The following CFAP46 variants were observed in gnomAD, a reference collection of about 807,000 sequenced individuals.
The protein encoded by CFAP46 is cilia- and flagella-associated protein 46.
CFAP46 carries 245 observed loss-of-function variants against 325.7 expected under a neutral mutation model. That is an observed-to-expected ratio of 0.75 (90% CI 0.68 to 0.84). The LOEUF (loss-of-function observed/expected upper bound fraction) is 0.84, where lower values mean the gene tolerates loss of function less well. Among genes scored for constraint, CFAP46 ranks in the 40% least tolerant of loss-of-function variants. The probability of loss-of-function intolerance (pLI) is 0.00; values close to 1 mark genes in which losing one functional copy is unlikely to be tolerated. For synonymous variants in CFAP46, 1,523 were observed against 1,495.9 expected (o/e 1.02, Z -0.42); for missense variants, 3,346 against 3,543.0 (o/e 0.94, Z 1.41).
chr10:132,860,710 G>A (rs972802433), intron 36 of CFAP46, 72 bp downstream of exon 36: 3 of 1,481,556 alleles, frequency 2.0e-6, no homozygotes, highest in Non-Finnish European at 2.7e-6. Flanking sequence ...AGAGCCCCAT[G>A]GACGCCCTTC....
chr10:132,867,240 A>G (rs1296944381), intron 34 of CFAP46, 135 bp downstream of exon 34: 17 of 1,028,268 alleles, frequency 1.7e-5, no homozygotes, highest in Non-Finnish European at 2.1e-5. Context: ...ACACACTGAC[A>G]CACACCCAGG....
At chr10:132,859,555 A>G (rs1379407976) in intron 37 of CFAP46, among the ~76,000 whole-genome samples, 1 of 152,190 alleles carries the variant, frequency 6.6e-6, no homozygotes, top group Middle Eastern at 3.4e-3. Context: ...TTGACTCACT[A>G]GTGGAACAGA....
chr10:132,819,158 A>T (rs1847751265), intron 50 of CFAP46, among the ~76,000 whole-genome samples: 1 of 152,216 alleles, frequency 6.6e-6, no homozygotes, highest in Non-Finnish European at 1.5e-5. Flanking sequence ...TTATAATATC[A>T]TCAGAACGAA....
intron 22 of CFAP46, among the ~76,000 whole-genome samples, chr10:132,906,277 G>A (rs544746327): frequency 1.7e-3 from 254 of 152,338 alleles, no homozygotes; most frequent in African/African-American, 5.9e-3. Context: ...CTGAGCACTC[G>A]CAGTCTCACC....
At chr10:132,878,689 G>A (rs564221334) in intron 29 of CFAP46, among the ~76,000 whole-genome samples, 5 of 152,190 alleles carry the variant, frequency 3.3e-5, no homozygotes, top group African/African-American at 1.2e-4. Flanking sequence ...TGAGGCTGGT[G>A]GGGGGTTAGC....
At position 132,885,090 on chromosome 10, in the gene CFAP46, T is replaced by TA. The variant is rs1291367863; in HGVS notation, c.3627+12dup. ...AAATTTTACCACGTGCACCCACGCT[T>TA]ACGGCTTCACACCTGCAAGGCCTGG... is the stretch of plus-strand genomic sequence containing the variant. On this transcript the variant is annotated intron_variant, in intron 27 of 57. Coordinates refer to ENST00000368586, the MANE Select transcript of CFAP46 (RefSeq NM_001200049.3). The TA allele has an allele frequency of 1.3e-6, 2 of 1,538,416 alleles. No individual in the cohort carries two copies. Among genetic ancestry groups the TA allele is most frequent in the East Asian group, 2.5e-5 (1 of 40,550 alleles).
In CFAP46 at chr10:132,922,723, T is replaced by G; in HGVS notation, c.1257-15A>C. On this transcript the variant is annotated splice_polypyrimidine_tract_variant and intron_variant, in intron 11 of 57. Coordinates refer to ENST00000368586, the MANE Select transcript of CFAP46 (RefSeq NM_001200049.3). ...GCGTCATGAGGCTGCGGGGGTGGCG[T>G]GGCATCAGGGGCCCTGGCGGCGCTG... The G allele has an allele frequency of 2.6e-6, 4 of 1,538,622 alleles. No individual in the cohort carries two copies. Among genetic ancestry groups the G allele is most frequent in the Non-Finnish European group, 3.5e-6 (4 of 1,137,814 alleles).
intron 50 of CFAP46, among the ~76,000 whole-genome samples, chr10:132,823,358 G>C (rs1439787153): frequency 8.7e-6 from 1 of 114,312 alleles, no homozygotes; most frequent in African/African-American, 3.4e-5. Context: ...TGTGCTGAGT[G>C]CTGATGTGTG....
At chr10:132,829,417 G>T (rs992298558) in intron 50 of CFAP46, among the ~76,000 whole-genome samples, 1 of 152,158 alleles carries the variant, frequency 6.6e-6, no homozygotes, top group Admixed American at 6.5e-5. Context: ...CTTCAACCTT[G>T]CCAAAATCAC....
At chr10:132,873,494 G>C (rs931805829) in intron 31 of CFAP46, among the ~76,000 whole-genome samples, 2 of 152,010 alleles carry the variant, frequency 1.3e-5, no homozygotes, top group African/African-American at 4.8e-5. Flanking sequence ...AGGCATCCAG[G>C]GATACGAGCC....
At chr10:132,940,738 C>T (rs529479697) in intron 4 of CFAP46, among the ~76,000 whole-genome samples, 4 of 152,314 alleles carry the variant, frequency 2.6e-5, no homozygotes, top group East Asian at 3.9e-4. Context: ...CCACCACGCC[C>T]GGCAGAAAAC....
At position 132,919,289 on chromosome 10, in the gene CFAP46, A is replaced by G; in HGVS notation, c.1858+26T>C. ...AGAGGGCGGCCGTGGCCAGGCTGGG[A>G]CACACTCGTGAGGGCGGGTACGAAC... On this transcript the variant is annotated intron_variant, in intron 15 of 57. Coordinates refer to ENST00000368586, the MANE Select transcript of CFAP46 (RefSeq NM_001200049.3). This position sits in a 1 kb window ranked among gnomAD's most constrained non-coding sequence, Gnocchi z 9.7. 6.5e-7 allele frequency: 1 copy of G among 1,543,136 alleles called. No individual in the cohort carries two copies. Among genetic ancestry groups the G allele is most frequent in the South Asian group, 1.2e-5 (1 of 83,456 alleles).
intron 50 of CFAP46, among the ~76,000 whole-genome samples, chr10:132,823,928 CTGA>C (rs1488723699): frequency 6.3e-5 from 8 of 126,484 alleles, no homozygotes; most frequent in African/African-American, 9.3e-5. Flanking sequence ...TGTGTGTGTG[CTGA>C]TGTGTGCTGT....
At chr10:132,935,833 A>C (rs1319091561) in intron 7 of CFAP46, among the ~76,000 whole-genome samples, 2 of 100,946 alleles carry the variant, frequency 2.0e-5, no homozygotes, top group Non-Finnish European at 4.1e-5. Flanking sequence ...TCCCCTCGGC[A>C]CCCAAACACA....
chr10:132,844,895 G>A (rs796516878), intron 44 of CFAP46, among the ~76,000 whole-genome samples: 73 of 152,246 alleles, frequency 4.8e-4, no homozygotes, highest in African/African-American at 1.3e-3. Flanking sequence ...CAGGCTGGGC[G>A]TCAGTGGCTA....
At chr10:132,846,339 C>T in intron 43 of CFAP46, 112 bp from the exon 44 acceptor site, 1 of 1,340,666 alleles carries the variant, frequency 7.5e-7, no homozygotes, top group Non-Finnish European at 1.0e-6. Flanking sequence ...TGGGCTGGCT[C>T]TCCTGGCAAG....
Position 132,814,160 on chromosome 10 carries a change from G to C in CFAP46, c.7380C>G (p.His2460Gln). ...GGAGCCCAGATCCGAACCTGGGAAAGTGCTTGCTTCCCAGATGTCCCGCCC... is the reference window on the plus strand; with the variant it reads ...GGAGCCCAGATCCGAACCTGGGAAACTGCTTGCTTCCCAGATGTCCCGCCC... Reference protein sequence around the residue: ...SRWAGHLGSKHFPSQAQWEQA... With the variant: ...SRWAGHLGSKQFPSQAQWEQA... The change falls in exon 54 of 58, where the codon CAC becomes CAG. Residue 2460 changes from histidine to glutamine, a missense_variant. Physicochemically the swap from His to Gln is conservative, Grantham distance 24. Coordinates refer to ENST00000368586, the MANE Select transcript of CFAP46 (RefSeq NM_001200049.3). The C allele has an allele frequency of 2.5e-6, 4 of 1,613,556 alleles. No individual in the cohort carries two copies. Among genetic ancestry groups the C allele is most frequent in the Non-Finnish European group, 8.5e-7 (1 of 1,179,736 alleles).
rs183904908 is a variant in CFAP46 at position 132,913,331 on chromosome 10, G to A, written c.2121-73C>T. The A allele has an allele frequency of 3.1e-4, 364 of 1,188,410 alleles. 3 individuals carry two copies. In the East Asian group the frequency reaches 4.6e-3, roughly 15 times the overall value. The allele number at this position is 1,188,410 out of a possible 1,614,324, so 73.6% of individuals were successfully genotyped here. A position where few individuals can be genotyped will look rare whatever the true frequency, so the allele number is the denominator to read the frequency against. ...GGGGCCAGGCACCAGGAAGGCTGCGGGGCCTGTTAGGAACCAGGCTGCAGG... is the reference window on the plus strand; with the variant it reads ...GGGGCCAGGCACCAGGAAGGCTGCGAGGCCTGTTAGGAACCAGGCTGCAGG... On this transcript the variant is annotated intron_variant, in intron 17 of 57. Transcript: ENST00000368586.
chr10:132,925,731 T>G (rs910863293), intron 10 of CFAP46, among the ~76,000 whole-genome samples: 1 of 152,232 alleles, frequency 6.6e-6, no homozygotes, highest in Non-Finnish European at 1.5e-5. Flanking sequence ...CACAGCGGCA[T>G]CGGCACCCGC....
Sources: allele counts gnomAD v4.1 joint callset (sites outside exome capture counted in the v4.1 genomes callset), GRCh38; gene constraint gnomAD v4.1.1; non-coding constraint Gnocchi (gnomAD v3.1); transcripts MANE v1.5; gene names NCBI Gene and HGNC (gene_info 2026-07-23, HGNC 2026-07-21).